SLC22A24: variants seen among roughly 807,000 people sequenced by gnomAD.
SLC22A24 encodes steroid transmembrane transporter SLC22A24.
A neutral mutation model predicts 49.8 loss-of-function variants in SLC22A24; 53 were observed. That is an observed-to-expected ratio of 1.06 (90% confidence interval 0.85 to 1.34). SLC22A24 has a LOEUF of 1.34. Ranked by LOEUF, SLC22A24 falls within the 40% of genes most tolerant of loss-of-function variation. SLC22A24 has a pLI of 0.00. For missense variants in SLC22A24, 786 were observed against 675.9 expected (o/e 1.16, Z -1.81); for synonymous variants, 302 against 256.4 (o/e 1.18, Z -1.70).
intron 4 of SLC22A24, among the ~76,000 whole-genome samples, chr11:63,113,979 T>G (rs2087194722): frequency 6.6e-6 from 1 of 152,126 alleles, no homozygotes; most frequent in African/African-American, 2.4e-5. Flanking sequence ...GACCTTTCTC[T>G]CTGGCTGCCC....
chr11:63,131,636 C>G (rs1189232379), intron 2 of SLC22A24, among the ~76,000 whole-genome samples: 1 of 152,194 alleles, frequency 6.6e-6, no homozygotes, highest in Non-Finnish European at 1.5e-5. Flanking sequence ...AGGGTTTCTG[C>G]TGAGAGAAGT....
Position 63,141,067 on chromosome 11 carries a change from A to C in SLC22A24, c.402+2311T>G, listed in dbSNP as rs975959152. Reference sequence around the variant, plus strand: ...GAATCTGGGCCCATGTGTCCAAATAACAGGGTTTTCTTAGAAAATTGATGT... The same window carrying C: ...GAATCTGGGCCCATGTGTCCAAATACCAGGGTTTTCTTAGAAAATTGATGT... On this transcript the variant is annotated intron_variant, in intron 1 of 9. Coordinates refer to ENST00000612278, the MANE Select transcript of SLC22A24 (RefSeq NM_001136506.2). Among the ~76,000 whole-genome samples, 7 of 152,342 alleles carry C rather than the reference A, an allele frequency of 4.6e-5. No homozygotes were observed. In the South Asian group the frequency reaches 1.4e-3, roughly 32 times the overall value.
chr11:63,112,557 A>G (rs2087173797), intron 4 of SLC22A24, among the ~76,000 whole-genome samples: 2 of 152,170 alleles, frequency 1.3e-5, no homozygotes, highest in Middle Eastern at 3.4e-3. Flanking sequence ...GATTGTTTCA[A>G]AACACCAGCT....
At chr11:63,087,032 A>G (rs942187392) in intron 6 of SLC22A24, among the ~76,000 whole-genome samples, 3 of 109,138 alleles carry the variant, frequency 2.7e-5, no homozygotes, top group East Asian at 3.4e-4. Context: ...GCGCACACAC[A>G]CACACACACA....
chr11:63,127,528 G>T (rs532131235), intron 2 of SLC22A24, among the ~76,000 whole-genome samples: 1 of 152,110 alleles, frequency 6.6e-6, no homozygotes, highest in Non-Finnish European at 1.5e-5. Context: ...GGTACTTCTA[G>T]TTCTAGAACC....
chr11:63,138,825 G>T (rs993819713), intron 1 of SLC22A24, among the ~76,000 whole-genome samples: 2 of 151,134 alleles, frequency 1.3e-5, no homozygotes, highest in African/African-American at 4.9e-5. Context: ...GTGTAACTTT[G>T]CCATTTAATA....
chr11:63,126,340 G>A (rs1314985014), intron 2 of SLC22A24, among the ~76,000 whole-genome samples: 1 of 152,138 alleles, frequency 6.6e-6, no homozygotes, highest in Non-Finnish European at 1.5e-5. Context: ...TTTGTATAAG[G>A]TGTAAGGAAG....
chr11:63,107,009 C>A (rs537104757), intron 4 of SLC22A24, among the ~76,000 whole-genome samples: 1 of 152,126 alleles, frequency 6.6e-6, no homozygotes, highest in African/African-American at 2.4e-5. Context: ...CTTGCCCATG[C>A]CTATGACCTG....
rs60285946 is a variant in SLC22A24 at position 63,090,080 on chromosome 11, CAAAAAAAAA to C, written c.1070+5902_1070+5910del. ...TGGACGACAGAACGAGACTCTGTCT[CAAAAAAAAA>C]AAAAAAAAAAAAAAAAGACAAAGAA... On this transcript the variant is annotated intron_variant, in intron 6 of 9. Transcript: ENST00000612278. 2.3e-4 allele frequency among the ~76,000 whole-genome samples: 15 copies of C among 64,698 alleles called. No homozygotes were observed. The Admixed American group carries it at 3.6e-3, about 16-fold the overall frequency. 42.4% of individuals were successfully genotyped at this position (64,698 alleles called of 152,430 possible). A position where few individuals can be genotyped will look rare whatever the true frequency, so the allele number is the denominator to read the frequency against.
In SLC22A24 at chr11:63,143,585, C is replaced by G. The variant is rs1220038132; in HGVS notation, c.195G>C (p.Gly65=). The change falls in exon 1 of 10, where the codon GGG becomes GGC. Residue 65 remains glycine, a synonymous_variant. Transcript: ENST00000612278. ...DNDTVSDNDT[G]TLSKDDLLRI... Reference sequence around the variant, plus strand: ...TCAGGAGGTCATCCTTGCTGAGGGTCCCGGTATCATTGTCAGACACAGTGT... The same window carrying G: ...TCAGGAGGTCATCCTTGCTGAGGGTGCCGGTATCATTGTCAGACACAGTGT... 1 of 1,569,868 alleles carries G rather than the reference C, an allele frequency of 6.4e-7. No homozygotes were observed.
chr11:63,119,440 T>G (rs759620227), intron 2 of SLC22A24, 105 bp from the exon 3 acceptor site: 7 of 1,102,584 alleles, frequency 6.3e-6, no homozygotes, highest in Non-Finnish European at 8.9e-6. Flanking sequence ...GTTTAACAAG[T>G]GGAACATGGT....
intron 7 of SLC22A24, 113 bp from the exon 8 acceptor site, chr11:63,081,779 C>A (rs2086961726): frequency 1.4e-6 from 1 of 699,086 alleles, no homozygotes; most frequent in Non-Finnish European, 2.6e-6. Flanking sequence ...ATGTGGTAGA[C>A]AAACTGCAAC....
At chr11:63,109,688 G>A (rs994572674) in intron 4 of SLC22A24, among the ~76,000 whole-genome samples, 3 of 151,990 alleles carry the variant, frequency 2.0e-5, no homozygotes, top group Non-Finnish European at 4.4e-5. Flanking sequence ...ACTTTTTGAT[G>A]GGGTTGTTTG....
At chr11:63,118,845 C>T (rs2087230164) in intron 4 of SLC22A24, 67 bp downstream of exon 4, 18 of 1,517,070 alleles carry the variant, frequency 1.2e-5, no homozygotes, top group Non-Finnish European at 1.6e-5. Flanking sequence ...TCCCAGGTGT[C>T]AGAATTTTCC....
intron 4 of SLC22A24, among the ~76,000 whole-genome samples, chr11:63,107,988 G>A (rs1191217809): frequency 6.6e-6 from 1 of 152,096 alleles, no homozygotes; most frequent in African/African-American, 2.4e-5. Context: ...GGAGTGGTGA[G>A]AGAGGGCATC....
intron 2 of SLC22A24, among the ~76,000 whole-genome samples, chr11:63,129,056 C>T (rs929942487): frequency 1.3e-5 from 2 of 152,134 alleles, no homozygotes; most frequent in Non-Finnish European, 2.9e-5. Flanking sequence ...TTGCTCATGC[C>T]TAAGTCCTGA....
At chr11:63,096,547 C>G (rs2087056128) in intron 5 of SLC22A24, among the ~76,000 whole-genome samples, 1 of 152,100 alleles carries the variant, frequency 6.6e-6, no homozygotes, top group Non-Finnish European at 1.5e-5. Flanking sequence ...AGCTTCTGAG[C>G]AATTATTCTC....
Position 63,104,202 on chromosome 11 carries a change from CT to C in SLC22A24, c.926del (p.Lys309ArgfsTer7). 6.5e-7 allele frequency: 1 copy of C among 1,550,320 alleles called. No individual in the cohort carries two copies. ...LRRVAHINGK[K>X]NTEETLTTEL... is the part of the protein sequence containing the mutation. The stretch of plus-strand genomic sequence containing the variant: ...CAGTGGTCAGTGTCTCTTCAGTATT[CT>C]TTTTTCCATTTATGTGTGCAACTCT... On this transcript the variant is annotated frameshift_variant, in exon 5 of 10. Coordinates refer to ENST00000612278, the MANE Select transcript of SLC22A24 (RefSeq NM_001136506.2). LOFTEE classifies it high-confidence loss of function.
chr11:63,094,488 A>G (rs1463355126), intron 6 of SLC22A24, among the ~76,000 whole-genome samples: 1 of 152,180 alleles, frequency 6.6e-6, no homozygotes, highest in African/African-American at 2.4e-5. Context: ...TCCTTTGGGT[A>G]TATACCCAGT....
Sources: gnomAD v4.1 joint callset for allele counts (sites outside exome capture counted in the v4.1 genomes callset) on GRCh38, gnomAD v4.1.1 for gene constraint, MANE v1.5 for transcripts, NCBI Gene and HGNC (gene_info 2026-07-23, HGNC 2026-07-21) for gene names.